Variants in SAMD12 observed in about 807,000 individuals in gnomAD.
The protein encoded by SAMD12 is sterile alpha motif domain containing 12.
A neutral mutation model predicts 15.0 loss-of-function variants in SAMD12; 9 were observed. The ratio of observed to expected loss-of-function variants is 0.60; its 90% CI spans 0.36 to 1.05. The LOEUF (loss-of-function observed/expected upper bound fraction) is 1.05, where lower values mean the gene tolerates loss of function less well. SAMD12 is among the 50% of genes least tolerant of loss of function. The pLI, the probability that SAMD12 is intolerant of heterozygous loss-of-function variation, is 0.01. For missense variants in SAMD12, 230 were observed against 234.2 expected (o/e 0.98, Z 0.12); for synonymous variants, 86 against 90.1 (o/e 0.96, Z 0.25).
chr8:118,408,578 G>A (rs1821246974), intron 3 of SAMD12, among the ~76,000 whole-genome samples: 1 of 152,092 alleles, frequency 6.6e-6, no homozygotes, highest in Admixed American at 6.5e-5. Context: ...AAGCTGTTTT[G>A]TTTTAGCAAC....
Position 118,300,729 on chromosome 8 carries a change from A to G in SAMD12, c.433+78831T>C, listed in dbSNP as rs28365520. Among the ~76,000 whole-genome samples, 43 of 152,334 alleles carry G rather than the reference A, an allele frequency of 2.8e-4. No individual in the cohort carries two copies. The East Asian group carries it at 8.3e-3, about 29-fold the overall frequency. ...CAATGTACATTAGAGTTAAAGAACTACCAGCCTAAGTGATTATCTAGCCAG... is the reference window on the plus strand; with the variant it reads ...CAATGTACATTAGAGTTAAAGAACTGCCAGCCTAAGTGATTATCTAGCCAG... On this transcript the variant is annotated intron_variant, in intron 4 of 4. Coordinates refer to the SAMD12 transcript ENST00000409003.
At chr8:118,452,435 A>G (rs757550909) in intron 2 of SAMD12, among the ~76,000 whole-genome samples, 3 of 152,224 alleles carry the variant, frequency 2.0e-5, no homozygotes, top group Non-Finnish European at 4.4e-5. Context: ...ATTCTTATAC[A>G]TTTGTATTTA....
At chr8:118,182,411 G>A in the SAMD12 span, among the ~76,000 whole-genome samples, 1 of 152,268 alleles carries the variant, frequency 6.6e-6, no homozygotes, top group Middle Eastern at 3.4e-3. Context: ...TGGCCTGTAA[G>A]GTTGGCATGA....
intron 3 of SAMD12, among the ~76,000 whole-genome samples, chr8:118,427,604 C>G (rs1822269975): frequency 8.4e-6 from 1 of 119,352 alleles, no homozygotes; most frequent in South Asian, 3.1e-4. Context: ...GTGAGATTCA[C>G]TCACATTGTG....
chr8:118,550,329 C>T (rs1327890866), intron 2 of SAMD12, among the ~76,000 whole-genome samples: 1 of 152,224 alleles, frequency 6.6e-6, no homozygotes, highest in Admixed American at 6.5e-5. Flanking sequence ...CAGTGGATCT[C>T]TCTGCAGAAA....
chr8:118,193,468 A>G (rs1275076482), exon 5 of SAMD12: 1 of 152,216 alleles, frequency 6.6e-6, no homozygotes, highest in Non-Finnish European at 1.5e-5. Flanking sequence ...TAAAAAGACT[A>G]AGGAGCAGGA....
At chr8:118,390,812 G>A (rs1228295386) in intron 3 of SAMD12, among the ~76,000 whole-genome samples, 2 of 152,144 alleles carry the variant, frequency 1.3e-5, no homozygotes, top group Admixed American at 6.5e-5. Flanking sequence ...AATTTGCACT[G>A]CAGTTACTGT....
intron 2 of SAMD12, among the ~76,000 whole-genome samples, chr8:118,550,219 A>C (rs951463225): frequency 7.4e-4 from 113 of 152,204 alleles, no homozygotes; most frequent in Non-Finnish European, 1.4e-3. Flanking sequence ...TCCAAGACAC[A>C]TAATTGTCAG....
chr8:118,590,082 C>G (rs971903431), intron 1 of SAMD12, among the ~76,000 whole-genome samples: 1 of 152,058 alleles, frequency 6.6e-6, no homozygotes, highest in Non-Finnish European at 1.5e-5. Context: ...AGACTTAGAA[C>G]TAAGAAACCT....
chr8:118,356,871 C>T (rs1206470802), intron 4 of SAMD12, among the ~76,000 whole-genome samples: 1 of 152,164 alleles, frequency 6.6e-6, no homozygotes, highest in Non-Finnish European at 1.5e-5. Flanking sequence ...CTTAAAGCGC[C>T]CTTCTCCTCC....
chr8:118,268,907 T>G (rs867187507), intron 4 of SAMD12, among the ~76,000 whole-genome samples: 2 of 152,196 alleles, frequency 1.3e-5, no homozygotes, highest in African/African-American at 4.8e-5. Flanking sequence ...ATATGACTGG[T>G]GAATTCCATT....
intron 4 of SAMD12, among the ~76,000 whole-genome samples, chr8:118,245,406 G>T (rs28370850): frequency 0.012 from 1,762 of 152,208 alleles, 47 homozygotes; most frequent in African/African-American, 0.041. Context: ...CGCAAGGGGA[G>T]GAAGGGAGTG....
chr8:118,507,424 G>C (rs1401959528), intron 2 of SAMD12, among the ~76,000 whole-genome samples: 4 of 151,864 alleles, frequency 2.6e-5, no homozygotes, highest in Admixed American at 2.0e-4. Flanking sequence ...GCCCAATTGA[G>C]GGTTTATGAT....
intron 4 of SAMD12, among the ~76,000 whole-genome samples, chr8:118,234,227 C>T (rs985548059): frequency 6.6e-6 from 1 of 151,956 alleles, no homozygotes. Flanking sequence ...ATTTGTCAGT[C>T]TCTGCTTGGA....
intron 4 of SAMD12, among the ~76,000 whole-genome samples, chr8:118,314,508 G>A (rs569932099): frequency 1.3e-5 from 2 of 152,194 alleles, no homozygotes; most frequent in South Asian, 4.2e-4. Context: ...TTACCTACAG[G>A]ATTTCCTTGT....
At chr8:118,299,555 G>C (rs1814907509) in intron 4 of SAMD12, among the ~76,000 whole-genome samples, 1 of 152,200 alleles carries the variant, frequency 6.6e-6, no homozygotes. Flanking sequence ...GGGGGGAATA[G>C]AGGGAAGCAA....
At chr8:118,221,826 A>G (rs1412301446) in intron 4 of SAMD12, among the ~76,000 whole-genome samples, 1 of 152,194 alleles carries the variant, frequency 6.6e-6, no homozygotes, top group Non-Finnish European at 1.5e-5. Context: ...CCGTTTTTAC[A>G]TTCGTTGGGG....
At chr8:118,488,526 C>T (rs530836070) in intron 2 of SAMD12, among the ~76,000 whole-genome samples, 9 of 152,246 alleles carry the variant, frequency 5.9e-5, no homozygotes, top group African/African-American at 2.2e-4. Context: ...TTTCTTGGCA[C>T]CCAATCCCCT....
At chr8:118,321,104 AATAT>A (rs59358297) in intron 4 of SAMD12, among the ~76,000 whole-genome samples, 2 of 130,614 alleles carry the variant, frequency 1.5e-5, no homozygotes, top group African/African-American at 6.0e-5. Context: ...TAACATATAT[AATAT>A]ATATGATATA....
Sources: allele counts gnomAD v4.1 joint callset (sites outside exome capture counted in the v4.1 genomes callset), GRCh38; gene constraint gnomAD v4.1.1; transcripts MANE v1.5; gene names NCBI Gene and HGNC (gene_info 2026-07-23, HGNC 2026-07-21).